Variants in CNTNAP2 observed in about 807,000 individuals in gnomAD.
CNTNAP2 encodes contactin-associated protein-like 2.
A neutral mutation model predicts 155.2 loss-of-function variants in CNTNAP2; 98 were observed. The observed-to-expected ratio is 0.63, with a 90% CI of 0.54 to 0.75. The LOEUF is 0.75. CNTNAP2 is among the 30% of genes least tolerant of loss of function. CNTNAP2 has a pLI of 0.00. For synonymous variants in CNTNAP2, 651 were observed against 631.2 expected (o/e 1.03, Z -0.47); for missense variants, 1,727 against 1,688.1 (o/e 1.02, Z -0.40).
intron 8 of CNTNAP2, among the ~76,000 whole-genome samples, chr7:147,199,289 G>T (rs933544165): frequency 8.6e-5 from 13 of 152,022 alleles, no homozygotes; most frequent in African/African-American, 1.9e-4. Flanking sequence ...ATCATAGCAT[G>T]AGTTAAGGGC....
At chr7:148,313,844 G>A (rs888997174) in intron 21 of CNTNAP2, among the ~76,000 whole-genome samples, 4 of 152,102 alleles carry the variant, frequency 2.6e-5, no homozygotes, top group Non-Finnish European at 4.4e-5. Context: ...AGCGTCTCAG[G>A]GTTGCTGCCA....
intron 10 of CNTNAP2, among the ~76,000 whole-genome samples, chr7:147,414,105 A>G (rs1797147094): frequency 6.6e-6 from 1 of 152,140 alleles, no homozygotes; most frequent in African/African-American, 2.4e-5. Flanking sequence ...GAAACAGAAA[A>G]TGGTTTTTCA....
chr7:147,169,445 G>A (rs1467118106), intron 8 of CNTNAP2, among the ~76,000 whole-genome samples: 4 of 152,066 alleles, frequency 2.6e-5, no homozygotes, highest in South Asian at 2.1e-4. Context: ...CCCCTCTCTA[G>A]TACTCTGCAG....
At chr7:146,398,552 C>A (rs1418152950) in intron 1 of CNTNAP2, among the ~76,000 whole-genome samples, 1 of 152,138 alleles carries the variant, frequency 6.6e-6, no homozygotes, top group Non-Finnish European at 1.5e-5. Context: ...CAAACAACAT[C>A]AACCGGAATC....
At chr7:147,555,059 A>G (rs1437111844) in intron 11 of CNTNAP2, among the ~76,000 whole-genome samples, 1 of 152,242 alleles carries the variant, frequency 6.6e-6, no homozygotes, top group Non-Finnish European at 1.5e-5. Context: ...TTACCTTAAC[A>G]GGAATAATTA....
intron 1 of CNTNAP2, among the ~76,000 whole-genome samples, chr7:146,737,572 G>A (rs753198552): frequency 4.7e-4 from 72 of 151,996 alleles, no homozygotes; most frequent in African/African-American, 1.1e-3. Context: ...TATACATAAC[G>A]TACCTTATTA....
intron 11 of CNTNAP2, among the ~76,000 whole-genome samples, chr7:147,499,388 G>A (rs150334096): frequency 0.1 from 15,441 of 151,854 alleles, 889 homozygotes; most frequent in Middle Eastern, 0.18. Flanking sequence ...AAATAGCTGG[G>A]CGTGGTGGCA....
At chr7:146,381,342 CAAT>C (rs887284735) in intron 1 of CNTNAP2, among the ~76,000 whole-genome samples, 3 of 152,096 alleles carry the variant, frequency 2.0e-5, no homozygotes, top group Non-Finnish European at 4.4e-5. Context: ...AGTAGAGTTA[CAAT>C]ATTAATCAAA....
chr7:147,403,502 G>C (rs746813717), intron 10 of CNTNAP2, among the ~76,000 whole-genome samples: 2 of 152,180 alleles, frequency 1.3e-5, no homozygotes, highest in Non-Finnish European at 2.9e-5. Flanking sequence ...ACTTCTTGAA[G>C]ATCACACCAA....
intron 10 of CNTNAP2, among the ~76,000 whole-genome samples, chr7:147,428,094 A>G (rs1797409058): frequency 6.6e-6 from 1 of 152,108 alleles, no homozygotes; most frequent in African/African-American, 2.4e-5. Flanking sequence ...TCATATTAAA[A>G]GAAATACTAA....
chr7:148,300,043 G>C (rs1262473730), intron 21 of CNTNAP2, among the ~76,000 whole-genome samples: 5 of 152,182 alleles, frequency 3.3e-5, no homozygotes, highest in Non-Finnish European at 7.3e-5. Context: ...GTTGAACAGG[G>C]ATAACGGATT....
At chr7:147,504,952 G>T (rs531974007) in intron 11 of CNTNAP2, among the ~76,000 whole-genome samples, 3 of 151,630 alleles carry the variant, frequency 2.0e-5, no homozygotes, top group Middle Eastern at 6.8e-3. Context: ...ACACACACAC[G>T]CATGCACACA....
intron 3 of CNTNAP2, among the ~76,000 whole-genome samples, chr7:147,028,959 CTTTTTTTTTTTTTTT>C (rs397889433): frequency 9.6e-6 from 1 of 103,744 alleles, no homozygotes; most frequent in Non-Finnish European, 1.8e-5. Flanking sequence ...AAGATATGTT[CTTTTTTTTTTTTTTT>C]TTTTTTTGAG....
chr7:148,307,618 A>G (rs1797511790), intron 21 of CNTNAP2, among the ~76,000 whole-genome samples: 1 of 152,158 alleles, frequency 6.6e-6, no homozygotes, highest in Non-Finnish European at 1.5e-5. Context: ...TAGGTGCTCA[A>G]TCCACCATCT....
At chr7:146,936,633 A>G (rs1052133923) in intron 3 of CNTNAP2, among the ~76,000 whole-genome samples, 4 of 152,194 alleles carry the variant, frequency 2.6e-5, no homozygotes, top group African/African-American at 9.7e-5. Context: ...CTAACTTAAT[A>G]GGTAGACAAG....
chr7:147,791,461 T>TC (rs1333719057), intron 13 of CNTNAP2, among the ~76,000 whole-genome samples: 1 of 151,738 alleles, frequency 6.6e-6, no homozygotes, highest in Non-Finnish European at 1.5e-5. Flanking sequence ...CTCTTTTTTT[T>TC]TTTTTTTTTC....
chr7:148,084,032 T>G (rs1296046195), intron 15 of CNTNAP2, among the ~76,000 whole-genome samples: 4 of 152,222 alleles, frequency 2.6e-5, no homozygotes, highest in African/African-American at 9.6e-5. Flanking sequence ...AATGTTACAT[T>G]CTGATTTTAA....
chr7:146,306,416 T>C (rs745564552), intron 1 of CNTNAP2, among the ~76,000 whole-genome samples: 2 of 152,162 alleles, frequency 1.3e-5, no homozygotes, highest in Non-Finnish European at 2.9e-5. Flanking sequence ...ATCAGCCTGA[T>C]AACAAAGCCT....
rs1381867674 is a variant in CNTNAP2 at position 147,646,738 on chromosome 7, G to A, written c.2098+7432G>A. On this transcript the variant is annotated intron_variant, in intron 13 of 23. Coordinates refer to ENST00000361727, the MANE Select transcript of CNTNAP2 (RefSeq NM_014141.6). ...AAATACTCCTGCAAGGAAGTAACAC[G>A]TTGTGTGTGTGTACATTTTATGGAC... Among the ~76,000 whole-genome samples the A allele has an allele frequency of 5.9e-5, 9 of 152,130 alleles. No homozygotes were observed. The South Asian group carries it at 1.7e-3, about 28-fold the overall frequency.
Sources: allele counts gnomAD v4.1 joint callset (sites outside exome capture counted in the v4.1 genomes callset), GRCh38; gene constraint gnomAD v4.1.1; transcripts MANE v1.5; gene names NCBI Gene and HGNC (gene_info 2026-07-23, HGNC 2026-07-21).